HTR3B: variants seen among roughly 807,000 people sequenced by gnomAD.
HTR3B encodes the protein 5-hydroxytryptamine receptor 3B.
In HTR3B, 44 loss-of-function variants were observed where a neutral mutation model predicts 42.8. That is an observed-to-expected ratio of 1.03 (90% CI 0.81 to 1.32). The LOEUF (loss-of-function observed/expected upper bound fraction) is 1.32. HTR3B is among the 40% of genes most tolerant of loss of function. The pLI is 0.00. For missense variants in HTR3B, 527 were observed against 536.5 expected (o/e 0.98, Z 0.17); for synonymous variants, 203 against 209.0 (o/e 0.97, Z 0.25).
chr11:113,911,137 T>C (rs1949788612), intron 2 of HTR3B, among the ~76,000 whole-genome samples: 1 of 152,122 alleles, frequency 6.6e-6, no homozygotes, highest in African/African-American at 2.4e-5. Flanking sequence ...AAAATTGTTT[T>C]CTAATTGAGG....
intron 6 of HTR3B, among the ~76,000 whole-genome samples, chr11:113,940,902 G>A (rs893971436): frequency 6.6e-6 from 1 of 152,228 alleles, no homozygotes; most frequent in Non-Finnish European, 1.5e-5. Flanking sequence ...CAACTCAGAG[G>A]TCTGGTCAGG....
intron 2 of HTR3B, among the ~76,000 whole-genome samples, chr11:113,916,743 G>A (rs747041100): frequency 2.2e-4 from 33 of 152,026 alleles, no homozygotes; most frequent in Middle Eastern, 6.8e-3. Flanking sequence ...CATTTTTAGC[G>A]TTTTGCATAC....
chr11:113,931,251 C>T, intron 2 of HTR3B, 133 bp from the exon 3 acceptor site: 1 of 684,542 alleles, frequency 1.5e-6, no homozygotes, highest in Non-Finnish European at 2.6e-6. Context: ...ATTGAAGAGT[C>T]TAGGTAATGT....
At chr11:113,904,751 C>A, upstream of HTR3B, 1 of 544,026 alleles carries the variant, frequency 1.8e-6, no homozygotes, top group Non-Finnish European at 3.3e-6. Flanking sequence ...AAAACATTTG[C>A]ATGGTGCTGG....
In HTR3B at chr11:113,932,477, C is replaced by T. The variant is rs775293486; in HGVS notation, c.538+19C>T. On this transcript the variant is annotated intron_variant, in intron 5 of 8. Coordinates refer to ENST00000260191, the MANE Select transcript of HTR3B (RefSeq NM_006028.5). ...CATACAGGTAAACCATGAGAGATACCCATTAATGCTAGGTTGGTGCACATA... is the reference window on the plus strand; with the variant it reads ...CATACAGGTAAACCATGAGAGATACTCATTAATGCTAGGTTGGTGCACATA... 20 of 1,594,784 alleles carry T rather than the reference C, an allele frequency of 1.3e-5. No homozygotes were observed. In the South Asian group the frequency reaches 1.8e-4, roughly 14 times the overall value.
rs2137520937 is a variant in HTR3B at position 113,931,482 on chromosome 11, G to C, written c.258+54G>C. ...ATTGCACTCCTGATCTGGATCTGCT[G>C]CAAAATATAGTTATTTAAGAAATAG... is the stretch of plus-strand genomic sequence containing the variant. On this transcript the variant is annotated intron_variant, in intron 3 of 8. Transcript: ENST00000260191. The C allele has an allele frequency of 2.8e-6, 3 of 1,086,430 alleles. No individual in the cohort carries two copies. The South Asian group carries it at 4.1e-5, about 15-fold the overall frequency. The allele number at this position is 1,086,430 out of a possible 1,614,324, so 67.3% of individuals were successfully genotyped here. A position where few individuals can be genotyped will look rare whatever the true frequency, so the allele number is the denominator to read the frequency against.
At chr11:113,912,098 T>C (rs1448126885) in intron 2 of HTR3B, among the ~76,000 whole-genome samples, 1 of 152,248 alleles carries the variant, frequency 6.6e-6, no homozygotes, top group East Asian at 1.9e-4. Context: ...TAATAAGTAG[T>C]ATTCAGTTAT....
At chr11:113,914,194 G>T (rs576536393) in intron 2 of HTR3B, among the ~76,000 whole-genome samples, 1 of 152,048 alleles carries the variant, frequency 6.6e-6, no homozygotes, top group Non-Finnish European at 1.5e-5. Context: ...TTGGCTGGGC[G>T]CAGTGGCTTA....
chr11:113,902,688 A>G (rs1591566484), upstream of HTR3B, among the ~76,000 whole-genome samples: 3 of 152,230 alleles, frequency 2.0e-5, no homozygotes, highest in Admixed American at 2.0e-4. Context: ...GGAAACCAAC[A>G]TTACTACATT....
chr11:113,924,111 C>T (rs1314345594), intron 2 of HTR3B, among the ~76,000 whole-genome samples: 2 of 152,178 alleles, frequency 1.3e-5, no homozygotes. Flanking sequence ...CAGTGATAAA[C>T]AAACTGGTAA....
chr11:113,914,130 C>T (rs1175954746), intron 2 of HTR3B, among the ~76,000 whole-genome samples: 5 of 151,590 alleles, frequency 3.3e-5, no homozygotes. Flanking sequence ...TTTCAATGAA[C>T]AGTTTTTTTA....
At chr11:113,940,790 T>C (rs1298782404) in intron 6 of HTR3B, among the ~76,000 whole-genome samples, 1 of 152,244 alleles carries the variant, frequency 6.6e-6, no homozygotes, top group Admixed American at 6.5e-5. Context: ...CGGCACCTCC[T>C]GCTCCATCAC....
upstream of HTR3B, among the ~76,000 whole-genome samples, chr11:113,904,125 A>C (rs550198893): frequency 6.6e-6 from 1 of 152,264 alleles, no homozygotes; most frequent in African/African-American, 2.4e-5. Flanking sequence ...AAATAGTGTT[A>C]TTGTATAGAA....
At chr11:113,936,396 A>T (rs1591584604) in intron 6 of HTR3B, among the ~76,000 whole-genome samples, 1 of 152,282 alleles carries the variant, frequency 6.6e-6, no homozygotes, top group East Asian at 1.9e-4. Context: ...CAAAGCGGGC[A>T]TTTGGGAAAG....
At chr11:113,926,294 T>G (rs917315816) in intron 2 of HTR3B, among the ~76,000 whole-genome samples, 2 of 152,232 alleles carry the variant, frequency 1.3e-5, no homozygotes, top group Non-Finnish European at 2.9e-5. Context: ...GGTTTCACTT[T>G]TTAACTATCA....
In HTR3B at chr11:113,912,140, T is replaced by C. The variant is rs1393229771; in HGVS notation, c.213+2685T>C. ...ATCATGATTTGTTTATCCATTCTCC[T>C]GTTGACAGGCATTTGGGTTGTTTCC... On this transcript the variant is annotated intron_variant, in intron 2 of 8. Transcript: ENST00000260191. Among the ~76,000 whole-genome samples, 3 of 152,378 alleles carry C rather than the reference T, an allele frequency of 2.0e-5. No individual in the cohort carries two copies. The East Asian group carries it at 5.8e-4, about 29-fold the overall frequency.
In HTR3B at chr11:113,912,514, A is replaced by T. The variant is rs937814316; in HGVS notation, c.213+3059A>T. ...CGCCTCGGCCTCCCAAAGTGCTGGG[A>T]TTACAGGCGTGAGCCACCGTGCCCG... On this transcript the variant is annotated intron_variant, in intron 2 of 8. Transcript: ENST00000260191. 2.6e-5 allele frequency among the ~76,000 whole-genome samples: 4 copies of T among 152,340 alleles called. No individual in the cohort carries two copies. The East Asian group carries it at 7.7e-4, about 29-fold the overall frequency.
chr11:113,919,245 C>T (rs1422781090), intron 2 of HTR3B, among the ~76,000 whole-genome samples: 1 of 152,190 alleles, frequency 6.6e-6, no homozygotes, highest in Non-Finnish European at 1.5e-5. Context: ...TGACACTTCA[C>T]ATAAAATGTA....
At position 113,946,281 on chromosome 11, in the gene HTR3B, G is replaced by A; in HGVS notation, c.*144G>A. On this transcript the variant is annotated 3_prime_UTR_variant, in exon 9 of 9. Coordinates refer to ENST00000260191, the MANE Select transcript of HTR3B (RefSeq NM_006028.5). ...TTTGGGAGGCCATAGCAGGAGGATT[G>A]CTTGAGCCCAGGAGTTCGAGACCAG... is the stretch of plus-strand genomic sequence containing the variant. 1 of 647,614 alleles carries A rather than the reference G, an allele frequency of 1.5e-6. No individual in the cohort carries two copies. The highest frequency in any genetic ancestry group is 2.7e-6 in the Non-Finnish European group (1 of 365,496). The allele number at this position is 647,614 out of a possible 1,614,324, so 40.1% of individuals were successfully genotyped here.
Sources: gnomAD v4.1 joint callset for allele counts (sites outside exome capture counted in the v4.1 genomes callset) on GRCh38, gnomAD v4.1.1 for gene constraint, MANE v1.5 for transcripts, NCBI Gene and HGNC (gene_info 2026-07-23, HGNC 2026-07-21) for gene names.